The following C16orf74 variants were observed in gnomAD, a reference collection of about 807,000 sequenced individuals.
C16orf74 encodes calcimembrin.
A neutral mutation model predicts 6.5 loss-of-function variants in C16orf74; 10 were observed. The ratio of observed to expected loss-of-function variants is 1.54; its 90% confidence interval spans 0.95 to 2.61. C16orf74 has a LOEUF of 2.61. Among genes scored for constraint, C16orf74 ranks in the 30% most tolerant of loss-of-function variants. The probability of loss-of-function intolerance (pLI) is 0.00; values close to 1 mark genes in which losing one functional copy is unlikely to be tolerated. For synonymous variants in C16orf74, 60 were observed against 42.5 expected (o/e 1.41, Z -1.60); for missense variants, 141 against 105.9 (o/e 1.33, Z -1.45).
At chr16:85,736,819 C>T (rs892162172) in intron 1 of C16orf74, among the ~76,000 whole-genome samples, 3 of 152,026 alleles carry the variant, frequency 2.0e-5, no homozygotes, top group Non-Finnish European at 4.4e-5. Flanking sequence ...TTTGGGAGGC[C>T]GAGGTGCGTG....
At chr16:85,738,546 G>C (rs1298759178) in intron 1 of C16orf74, among the ~76,000 whole-genome samples, 1 of 151,534 alleles carries the variant, frequency 6.6e-6, no homozygotes, top group Non-Finnish European at 1.5e-5. Flanking sequence ...GGCCAGGCTG[G>C]TCTCGAACTC....
intron 3 of C16orf74, 53 bp downstream of exon 3, chr16:85,710,111 T>C (rs548675860): frequency 2.9e-6 from 4 of 1,364,568 alleles, no homozygotes; most frequent in East Asian, 3.1e-5. Flanking sequence ...GAGAGCTGTC[T>C]CCACCGGGCC....
chr16:85,724,908 T>C (rs1197912504), intron 2 of C16orf74, among the ~76,000 whole-genome samples: 1 of 152,190 alleles, frequency 6.6e-6, no homozygotes, highest in Non-Finnish European at 1.5e-5. Context: ...CCTTGGGAAC[T>C]ATCACCCGAA....
chr16:85,721,978 C>CTT (rs146218477), intron 2 of C16orf74, among the ~76,000 whole-genome samples: 6 of 91,122 alleles, frequency 6.6e-5, no homozygotes, highest in African/African-American at 2.5e-4. Flanking sequence ...AGATTCTAAC[C>CTT]TTTTTTTTTT....
At chr16:85,735,751 C>CA (rs999356459) in intron 1 of C16orf74, among the ~76,000 whole-genome samples, 3 of 9,372 alleles carry the variant, frequency 3.2e-4, no homozygotes, top group East Asian at 9.3e-3. Context: ...GGACGTGTGG[C>CA]CCCCCCAGCC....
chr16:85,723,714 T>C (rs2054105518), intron 2 of C16orf74, among the ~76,000 whole-genome samples: 1 of 152,130 alleles, frequency 6.6e-6, no homozygotes, highest in South Asian at 2.1e-4. Flanking sequence ...AGGCCGGATT[T>C]GGGTTCGAGG....
At chr16:85,742,320 C>T (rs1290093821) in intron 1 of C16orf74, among the ~76,000 whole-genome samples, 2 of 151,920 alleles carry the variant, frequency 1.3e-5, no homozygotes, top group African/African-American at 4.8e-5. Context: ...TTGCAGTGAG[C>T]CGAGATCATG....
At chr16:85,741,297 C>T (rs1234082225) in intron 1 of C16orf74, among the ~76,000 whole-genome samples, 1 of 152,202 alleles carries the variant, frequency 6.6e-6, no homozygotes. Flanking sequence ...GGCAGCACCA[C>T]CTCCCTGAAG....
chr16:85,747,371 G>A (rs142633311), intron 1 of C16orf74, among the ~76,000 whole-genome samples: 2 of 152,206 alleles, frequency 1.3e-5, no homozygotes, highest in African/African-American at 2.4e-5. Flanking sequence ...AGGATCACCT[G>A]AGCCCAGGAG....
chr16:85,750,355 C>T (rs1287552085), intron 1 of C16orf74, among the ~76,000 whole-genome samples: 1 of 152,150 alleles, frequency 6.6e-6, no homozygotes, highest in East Asian at 1.9e-4. Context: ...TTACTGAGAC[C>T]TCCCCTAGTT....
chr16:85,743,287 C>T (rs868838136), intron 1 of C16orf74: 5 of 152,214 alleles, frequency 3.3e-5, no homozygotes, highest in African/African-American at 1.2e-4. Flanking sequence ...TTACCTTAAA[C>T]TTTATCATCA....
At chr16:85,724,609 C>T (rs918667977) in intron 2 of C16orf74, among the ~76,000 whole-genome samples, 5 of 151,710 alleles carry the variant, frequency 3.3e-5, no homozygotes, top group African/African-American at 4.8e-5. Context: ...GCTTTGGGAG[C>T]GCTGAGCTCC....
intron 2 of C16orf74, among the ~76,000 whole-genome samples, chr16:85,734,902 C>T (rs557348001): frequency 1.3e-5 from 2 of 152,302 alleles, no homozygotes; most frequent in East Asian, 3.9e-4. Context: ...AAGGCCTCCT[C>T]CTCCCTCACT....
chr16:85,717,156 C>A (rs920895544), intron 2 of C16orf74, among the ~76,000 whole-genome samples: 4 of 152,230 alleles, frequency 2.6e-5, no homozygotes, highest in Admixed American at 2.0e-4. Flanking sequence ...GACCACAGAA[C>A]CCAGGCCCCT....
intron 1 of C16orf74, among the ~76,000 whole-genome samples, chr16:85,742,306 G>A (rs1005780462): frequency 6.6e-6 from 1 of 152,166 alleles, no homozygotes; most frequent in African/African-American, 2.4e-5. Context: ...CTGGGAGCCA[G>A]AAGTTGCAGT....
intron 3 of C16orf74, among the ~76,000 whole-genome samples, chr16:85,708,755 C>T (rs755530900): frequency 5.3e-5 from 8 of 152,224 alleles, no homozygotes; most frequent in Non-Finnish European, 1.0e-4. Context: ...ACAGCTTTCT[C>T]CCAGTCACTC....
chr16:85,738,716 G>GGAGGAGT (rs1473776234), intron 1 of C16orf74, among the ~76,000 whole-genome samples: 2 of 151,876 alleles, frequency 1.3e-5, no homozygotes, highest in Non-Finnish European at 2.9e-5. Context: ...GAGGGGTAGC[G>GGAGGAGT]GAGGAGTGGG....
chr16:85,722,897 C>T (rs1159574745), intron 2 of C16orf74, among the ~76,000 whole-genome samples: 1 of 152,202 alleles, frequency 6.6e-6, no homozygotes, highest in Admixed American at 6.5e-5. Flanking sequence ...ATGATCTAAA[C>T]AGCCCCTGGT....
At chr16:85,711,952 G>A (rs1292099303) in intron 2 of C16orf74, among the ~76,000 whole-genome samples, 3 of 152,170 alleles carry the variant, frequency 2.0e-5, no homozygotes, top group Non-Finnish European at 4.4e-5. Flanking sequence ...AGTGTGGATG[G>A]ACTTAGTGAC....
Sources: gnomAD v4.1 joint callset for allele counts (sites outside exome capture counted in the v4.1 genomes callset) on GRCh38, gnomAD v4.1.1 for gene constraint, MANE v1.5 for transcripts, NCBI Gene and HGNC (gene_info 2026-07-23, HGNC 2026-07-21) for gene names.